The following GSE1 variants were observed in gnomAD, a reference collection of about 807,000 sequenced individuals.
GSE1 encodes the protein Gse1 coiled-coil protein.
GSE1 carries 32 observed loss-of-function variants against 112.6 expected under a neutral mutation model. The ratio of observed to expected loss-of-function variants is 0.28; its 90% CI spans 0.21 to 0.38. The LOEUF (loss-of-function observed/expected upper bound fraction) is 0.38, where lower values mean the gene tolerates loss of function less well. Ranked by LOEUF, GSE1 falls within the 10% of genes least tolerant of loss-of-function variation. The probability of loss-of-function intolerance (pLI) is 1.00; values close to 1 mark genes in which losing one functional copy is unlikely to be tolerated. For missense variants in GSE1, 2,348 were observed against 1,699.2 expected, an observed-to-expected ratio of 1.38 and a Z score of -6.71; for synonymous variants, 1,115 against 735.6, an observed-to-expected ratio of 1.52 and a Z score of -8.35.
chr16:85,265,340 G>A (rs979593897), intron 1 of GSE1, among the ~76,000 whole-genome samples: 1 of 152,140 alleles, frequency 6.6e-6, no homozygotes, highest in Non-Finnish European at 1.5e-5. Flanking sequence ...CACCTCCGCT[G>A]GGTGGAGGCA....
rs191441556 is a variant in GSE1, at chr16:85,205,421, C to G, written c.2283+33614C>G. Among the ~76,000 whole-genome samples the G allele has an allele frequency of 8.3e-3, 1,263 of 152,288 alleles. 9 individuals carry two copies. Among genetic ancestry groups the G allele is most frequent in the Non-Finnish European group, 0.014 (969 of 68,004 alleles). On this transcript the variant is annotated intron_variant, in intron 1 of 2. Coordinates refer to the GSE1 transcript ENST00000637419. Reference sequence around the variant, plus strand: ...TGCTAGGATTACAGGCATGAGCCACCGCGCCCAGCCTTGTCTCTGTTTTGC... The same window carrying G: ...TGCTAGGATTACAGGCATGAGCCACGGCGCCCAGCCTTGTCTCTGTTTTGC...
chr16:85,464,651 C>T (rs886935372), intron 2 of GSE1, among the ~76,000 whole-genome samples: 7 of 152,220 alleles, frequency 4.6e-5, no homozygotes, highest in Non-Finnish European at 8.8e-5. Context: ...ATCTCCCGGG[C>T]GGAGGGTATA....
intron 1 of GSE1, among the ~76,000 whole-genome samples, chr16:85,306,503 G>C (rs2045682946): frequency 6.6e-6 from 1 of 152,240 alleles, no homozygotes; most frequent in Non-Finnish European, 1.5e-5. Context: ...GGTAGGAGTT[G>C]CAGGAGAAAG....
chr16:85,615,647 G>T (rs1235646449), intron 1 of GSE1, among the ~76,000 whole-genome samples: 2 of 152,204 alleles, frequency 1.3e-5, no homozygotes, highest in Non-Finnish European at 1.5e-5. Context: ...CAGTGAGGCT[G>T]AGCTCAAAAC....
chr16:85,528,637 T>TG (rs1338110423), intron 2 of GSE1, among the ~76,000 whole-genome samples: 14 of 140,190 alleles, frequency 1.0e-4, no homozygotes, highest in South Asian at 2.6e-4. Flanking sequence ...TGGATTGCTG[T>TG]TTTTTGTTTT....
chr16:85,253,353 C>T (rs893855360), intron 1 of GSE1, among the ~76,000 whole-genome samples: 1 of 152,132 alleles, frequency 6.6e-6, no homozygotes, highest in African/African-American at 2.4e-5. Flanking sequence ...GCCCGCTGCC[C>T]GCTAGGTGTC....
chr16:85,308,783 C>G (rs2045749181), intron 1 of GSE1, among the ~76,000 whole-genome samples: 1 of 151,152 alleles, frequency 6.6e-6, no homozygotes, highest in Admixed American at 6.6e-5. Flanking sequence ...GCAGCAAAAG[C>G]CATTTTGGAG....
chr16:85,415,716 G>A (rs933018621), intron 2 of GSE1, among the ~76,000 whole-genome samples: 2 of 152,230 alleles, frequency 1.3e-5, no homozygotes, highest in African/African-American at 2.4e-5. Context: ...AGCCCGGGTC[G>A]GCCTCCAGAA....
intron 13 of GSE1, among the ~76,000 whole-genome samples, chr16:85,666,959 C>G (rs550504879): frequency 6.6e-6 from 1 of 152,256 alleles, no homozygotes; most frequent in Non-Finnish European, 1.5e-5. Context: ...CCATGCAAAT[C>G]AAGTCAAGTG....
rs373014108 is a variant in GSE1, at chr16:85,327,324, C to T, written c.2284-30139C>T. Among the ~76,000 whole-genome samples the T allele has an allele frequency of 2.6e-4, 39 of 152,292 alleles. No individual in the cohort carries two copies. The East Asian group carries it at 6.6e-3, about 26-fold the overall frequency. Reference sequence around the variant, plus strand: ...GGACAAAACTGGAAGGTTCTAAGGCCGGATGCGGTGGCTCACACCTGTAAT... The same window carrying T: ...GGACAAAACTGGAAGGTTCTAAGGCTGGATGCGGTGGCTCACACCTGTAAT... On this transcript the variant is annotated intron_variant, in intron 1 of 2. Transcript: ENST00000637419.
chr16:85,625,569 C>T (rs2049013961), intron 1 of GSE1, among the ~76,000 whole-genome samples: 2 of 152,288 alleles, frequency 1.3e-5, no homozygotes, highest in South Asian at 4.1e-4. Flanking sequence ...GTGTGGACGT[C>T]TCCCGAGAGC....
intron 1 of GSE1, among the ~76,000 whole-genome samples, chr16:85,173,019 GTC>G (rs2074388626): frequency 6.6e-6 from 1 of 152,220 alleles, no homozygotes; most frequent in African/African-American, 2.4e-5. Flanking sequence ...TGGTGGGATG[GTC>G]TCTCGTTTTA....
At chr16:85,260,319 CTTTTTTTTT>C (rs111292010) in intron 1 of GSE1, among the ~76,000 whole-genome samples, 8 of 94,870 alleles carry the variant, frequency 8.4e-5, no homozygotes, top group East Asian at 6.1e-4. Flanking sequence ...TTTTTCTTTT[CTTTTTTTTT>C]TTTTTTTTTT....
At chr16:85,200,872 G>C (rs536748662) in intron 1 of GSE1, among the ~76,000 whole-genome samples, 1 of 152,136 alleles carries the variant, frequency 6.6e-6, no homozygotes, top group Non-Finnish European at 1.5e-5. Context: ...AACTGTCCCC[G>C]GTAAACATGA....
At position 85,640,071 on chromosome 16, in the gene GSE1, G is replaced by A. The variant is rs1004562326; in HGVS notation, c.226+5939G>A. On this transcript the variant is annotated intron_variant, in intron 2 of 15. Coordinates refer to ENST00000253458, the MANE Select transcript of GSE1 (RefSeq NM_014615.5). ...TTCCCAGGTGGGCTGGAGAGCCGCC[G>A]TCTGGAGGACAGTTCTGAGCAGGTG... Among the ~76,000 whole-genome samples the A allele has an allele frequency of 1.1e-4, 17 of 152,204 alleles. No homozygotes were observed. The East Asian group carries it at 1.5e-3, about 14-fold the overall frequency.
chr16:85,546,456 G>A lies in GSE1; in HGVS notation c.2465-87458G>A, dbSNP rs552142412. Among the ~76,000 whole-genome samples, 214 of 152,298 alleles carry A rather than the reference G, an allele frequency of 1.4e-3. 1 individual carries two copies. Among genetic ancestry groups the A allele is most frequent in the African/African-American group, 4.7e-3 (197 of 41,554 alleles). The stretch of plus-strand genomic sequence containing the variant: ...AACCTCTCAGGGGTGCATTATATTA[G>A]AAGTTGTACAGTAGATATTTATTTC... On this transcript the variant is annotated intron_variant, in intron 2 of 2. Coordinates refer to the GSE1 transcript ENST00000637419.
At chr16:85,349,877 G>T (rs1334497308) in intron 1 of GSE1, among the ~76,000 whole-genome samples, 2 of 152,188 alleles carry the variant, frequency 1.3e-5, no homozygotes, top group African/African-American at 4.8e-5. Flanking sequence ...CCCAGAGTGC[G>T]GCCTGGGTTG....
At chr16:85,225,313 C>A (rs1160435396) in intron 1 of GSE1, among the ~76,000 whole-genome samples, 1 of 152,120 alleles carries the variant, frequency 6.6e-6, no homozygotes, top group Non-Finnish European at 1.5e-5. Context: ...CAGGGTGGAG[C>A]TGGGGCTGGC....
intron 1 of GSE1, among the ~76,000 whole-genome samples, chr16:85,338,979 G>T (rs969470774): frequency 6.6e-6 from 1 of 152,130 alleles, no homozygotes; most frequent in Non-Finnish European, 1.5e-5. Context: ...GAGCGTCGTC[G>T]GTTTCGGTGT....
Sources: allele counts gnomAD v4.1 joint callset (sites outside exome capture counted in the v4.1 genomes callset), GRCh38; gene constraint gnomAD v4.1.1; transcripts MANE v1.5; gene names NCBI Gene and HGNC (gene_info 2026-07-23, HGNC 2026-07-21).